MB21D2: variants seen among roughly 807,000 people sequenced by gnomAD.
MB21D2 encodes nucleotidyltransferase MB21D2.
In MB21D2, 9 loss-of-function variants were observed where a neutral mutation model predicts 33.3. The observed-to-expected ratio is 0.27, with a 90% confidence interval of 0.16 to 0.47. MB21D2 has a LOEUF of 0.47. Among genes scored for constraint, MB21D2 ranks in the 20% least tolerant of loss-of-function variants. The pLI, the probability that MB21D2 is intolerant of heterozygous loss-of-function variation, is 0.99. For missense variants in MB21D2, 540 were observed against 624.6 expected (o/e 0.86, Z 1.44); for synonymous variants, 241 against 236.3 (o/e 1.02, Z -0.18).
intron 1 of MB21D2, among the ~76,000 whole-genome samples, chr3:192,801,476 T>C (rs1018533462): frequency 3.3e-5 from 5 of 152,224 alleles, no homozygotes; most frequent in African/African-American, 9.6e-5. Context: ...CACTCACATG[T>C]TGAAATCCCA....
At chr3:192,824,404 G>T (rs1419586174) in intron 1 of MB21D2, among the ~76,000 whole-genome samples, 3 of 152,006 alleles carry the variant, frequency 2.0e-5, no homozygotes, top group African/African-American at 7.3e-5. Flanking sequence ...GCTTCTAGAA[G>T]AGGTAATATC....
chr3:192,891,444 G>T (rs1225270938), intron 1 of MB21D2, among the ~76,000 whole-genome samples: 2 of 152,118 alleles, frequency 1.3e-5, no homozygotes, highest in Non-Finnish European at 2.9e-5. Flanking sequence ...AGAGGCACTG[G>T]AAATTTGCTG....
chr3:192,845,407 G>A (rs1712658994), intron 1 of MB21D2, among the ~76,000 whole-genome samples: 1 of 152,220 alleles, frequency 6.6e-6, no homozygotes, highest in African/African-American at 2.4e-5. Context: ...AGAACGTTTT[G>A]CAGCTATGAA....
chr3:192,900,940 C>A (rs1443655639), intron 1 of MB21D2, among the ~76,000 whole-genome samples: 126 of 140,644 alleles, frequency 9.0e-4, no homozygotes, highest in Middle Eastern at 3.7e-3. Flanking sequence ...GACTCTGTCT[C>A]AAAAAAAAAA....
At chr3:192,803,580 G>T (rs924558259) in intron 1 of MB21D2, among the ~76,000 whole-genome samples, 3 of 152,130 alleles carry the variant, frequency 2.0e-5, no homozygotes, top group African/African-American at 7.2e-5. Flanking sequence ...CGTTATACAA[G>T]CCCAAATGTC....
At chr3:192,861,481 G>T (rs1713040191) in intron 1 of MB21D2, among the ~76,000 whole-genome samples, 1 of 152,228 alleles carries the variant, frequency 6.6e-6, no homozygotes, top group African/African-American at 2.4e-5. Context: ...AGGTGTTTGG[G>T]AATAAAGCAG....
At chr3:192,894,350 C>T (rs1323584569) in intron 1 of MB21D2, among the ~76,000 whole-genome samples, 1 of 152,052 alleles carries the variant, frequency 6.6e-6, no homozygotes, top group African/African-American at 2.4e-5. Flanking sequence ...AGGCTGGTTT[C>T]AAACTCCTAA....
intron 1 of MB21D2, among the ~76,000 whole-genome samples, chr3:192,883,461 T>C (rs1560249434): frequency 6.6e-6 from 1 of 152,122 alleles, no homozygotes; most frequent in African/African-American, 2.4e-5. Flanking sequence ...AAAATGGTAG[T>C]GTGGAAGACA....
chr3:192,873,483 T>C (rs1713362806), intron 1 of MB21D2, among the ~76,000 whole-genome samples: 1 of 152,138 alleles, frequency 6.6e-6, no homozygotes, highest in East Asian at 1.9e-4. Flanking sequence ...ATCCCATCCC[T>C]ACGCCAAACT....
At chr3:192,821,546 A>T (rs1445904544) in intron 1 of MB21D2, among the ~76,000 whole-genome samples, 1 of 152,268 alleles carries the variant, frequency 6.6e-6, no homozygotes, top group Admixed American at 6.5e-5. Context: ...TTCTCAGTCC[A>T]GAATTTTCTG....
At chr3:192,814,674 A>C (rs947629457) in intron 1 of MB21D2, among the ~76,000 whole-genome samples, 1 of 151,742 alleles carries the variant, frequency 6.6e-6, no homozygotes, top group African/African-American at 2.4e-5. Context: ...CATCCTGGCT[A>C]ACACGGTGAA....
intron 1 of MB21D2, among the ~76,000 whole-genome samples, chr3:192,883,728 T>C (rs1205748724): frequency 6.6e-6 from 1 of 152,028 alleles, no homozygotes; most frequent in Non-Finnish European, 1.5e-5. Context: ...TCTGTAATAC[T>C]AGGAGAGTCA....
intron 1 of MB21D2, among the ~76,000 whole-genome samples, chr3:192,819,542 T>G (rs1711999279): frequency 1.3e-5 from 2 of 152,300 alleles, no homozygotes; most frequent in South Asian, 4.1e-4. Flanking sequence ...GGGCTTCCTC[T>G]TATGCTTCTA....
chr3:192,818,218 C>G (rs938459645), intron 1 of MB21D2, among the ~76,000 whole-genome samples: 3 of 152,146 alleles, frequency 2.0e-5, no homozygotes, highest in Non-Finnish European at 4.4e-5. Context: ...AAGACAGGAA[C>G]GGAGCCTTAT....
At chr3:192,900,977 G>A (rs140182002) in intron 1 of MB21D2, among the ~76,000 whole-genome samples, 325 of 151,250 alleles carry the variant, frequency 2.1e-3, no homozygotes, top group African/African-American at 7.6e-3. Flanking sequence ...AGGTCTCCAA[G>A]GCCTCTGTTG....
chr3:192,888,555 C>A (rs1297124530), intron 1 of MB21D2, among the ~76,000 whole-genome samples: 4 of 152,062 alleles, frequency 2.6e-5, no homozygotes, highest in Admixed American at 2.6e-4. Context: ...GTTGACTTAA[C>A]CAAAGTCTTC....
At chr3:192,882,854 C>T (rs1252158041) in intron 1 of MB21D2, among the ~76,000 whole-genome samples, 2 of 151,992 alleles carry the variant, frequency 1.3e-5, no homozygotes, top group African/African-American at 4.8e-5. Flanking sequence ...CCTGCCTCAG[C>T]CTCCCGAGTA....
At chr3:192,888,935 G>A (rs772098335) in intron 1 of MB21D2, among the ~76,000 whole-genome samples, 10 of 151,932 alleles carry the variant, frequency 6.6e-5, no homozygotes, top group Non-Finnish European at 1.2e-4. Flanking sequence ...GCAGTGGTGC[G>A]ATCTGGACTC....
At position 192,873,888 on chromosome 3, in the gene MB21D2, G is replaced by A. The variant is rs557117251; in HGVS notation, c.211+43742C>T. Among the ~76,000 whole-genome samples, 347 of 152,246 alleles carry A rather than the reference G, an allele frequency of 2.3e-3. 2 individuals are homozygous for A. The highest frequency in any genetic ancestry group is 7.9e-3 in the African/African-American group (327 of 41,550). ...TGGTAATTGTTGTAGTTTTAGTAGAGACAGGGTTTCACCATTCACCAGGCG... is the reference window on the plus strand; with the variant it reads ...TGGTAATTGTTGTAGTTTTAGTAGAAACAGGGTTTCACCATTCACCAGGCG... On this transcript the variant is annotated intron_variant, in intron 1 of 1. Transcript: ENST00000392452.
Sources: gnomAD v4.1 joint callset for allele counts (sites outside exome capture counted in the v4.1 genomes callset) on GRCh38, gnomAD v4.1.1 for gene constraint, MANE v1.5 for transcripts, NCBI Gene and HGNC (gene_info 2026-07-23, HGNC 2026-07-21) for gene names.